Variants in MCTP2 observed in about 807,000 individuals in gnomAD.
The protein encoded by MCTP2 is multiple C2 and transmembrane domain-containing protein 2.
A neutral mutation model predicts 111.6 loss-of-function variants in MCTP2; 132 were observed. The observed-to-expected ratio is 1.18, with a 90% CI of 1.03 to 1.37. The LOEUF is 1.37. Among genes scored for constraint, MCTP2 ranks in the 40% most tolerant of loss-of-function variants. MCTP2 has a pLI of 0.00. For synonymous variants in MCTP2, 395 were observed against 387.7 expected (o/e 1.02, Z -0.22); for missense variants, 1,183 against 1,067.9 (o/e 1.11, Z -1.50).
At position 94,434,861 on chromosome 15, in the gene MCTP2, T is replaced by C. The variant is rs564384088; in HGVS notation, c.2086-5315T>C. Among the ~76,000 whole-genome samples the C allele has an allele frequency of 6.1e-5, 8 of 131,224 alleles. No individual in the cohort carries two copies. The East Asian group carries it at 1.0e-3, about 16-fold the overall frequency. The allele number at this position is 131,224 out of a possible 152,430, so 86.1% of individuals were successfully genotyped here. A position where few individuals can be genotyped will look rare whatever the true frequency, so the allele number is the denominator to read the frequency against. On this transcript the variant is annotated intron_variant, in intron 17 of 22. Coordinates refer to ENST00000357742, the MANE Select transcript of MCTP2 (RefSeq NM_001385001.1). ...TTTCTCTTTCTTTCTTTCTTTCTTT[T>C]TTTTTTTCTTTTTTTTTTGATGCAG...
intron 4 of MCTP2, among the ~76,000 whole-genome samples, chr15:94,339,014 T>A (rs550991173): frequency 7.2e-5 from 11 of 152,280 alleles, no homozygotes; most frequent in Admixed American, 4.6e-4. Context: ...AGATTTTACT[T>A]CTTGAATTTT....
chr15:94,310,721 A>G (rs2076086775), intron 2 of MCTP2, among the ~76,000 whole-genome samples: 1 of 150,806 alleles, frequency 6.6e-6, no homozygotes, highest in South Asian at 2.1e-4. Flanking sequence ...ATAAAATAAT[A>G]TATAATACTA....
intron 17 of MCTP2, chr15:94,402,354 AG>A: frequency 6.9e-7 from 1 of 1,455,998 alleles, no homozygotes; most frequent in South Asian, 1.5e-5. Context: ...GAAAAATCAC[AG>A]GACTAAATAA....
chr15:94,259,991 A>T (rs577662537), intron 1 of MCTP2, among the ~76,000 whole-genome samples: 1 of 152,038 alleles, frequency 6.6e-6, no homozygotes, highest in South Asian at 2.1e-4. Flanking sequence ...GAACCTTCTG[A>T]TCTCTGCCCT....
chr15:94,380,751 G>C (rs1163272726), intron 12 of MCTP2, among the ~76,000 whole-genome samples: 1 of 151,028 alleles, frequency 6.6e-6, no homozygotes, highest in Non-Finnish European at 1.5e-5. Flanking sequence ...CTAGGCAACA[G>C]AGTGAGACTC....
At chr15:94,308,613 G>A (rs1241470184) in intron 2 of MCTP2, among the ~76,000 whole-genome samples, 1 of 152,216 alleles carries the variant, frequency 6.6e-6, no homozygotes, top group Non-Finnish European at 1.5e-5. Flanking sequence ...ATTTTTTAAA[G>A]TATCTCCTGT....
chr15:94,379,056 G>GTTTTTT (rs1196936486), intron 12 of MCTP2, among the ~76,000 whole-genome samples: 1 of 150,852 alleles, frequency 6.6e-6, no homozygotes, highest in African/African-American at 2.5e-5. Context: ...TGAGAAGTTA[G>GTTTTTT]TTTTTTGTTT....
intron 17 of MCTP2, among the ~76,000 whole-genome samples, chr15:94,438,193 T>C (rs1408556385): frequency 1.3e-5 from 2 of 152,144 alleles, no homozygotes; most frequent in Non-Finnish European, 1.5e-5. Flanking sequence ...GAGCATTCAT[T>C]TGAATGGGAA....
chr15:94,348,082 T>C (rs1055428550), intron 8 of MCTP2, among the ~76,000 whole-genome samples: 16 of 152,190 alleles, frequency 1.1e-4, no homozygotes, highest in African/African-American at 3.6e-4. Context: ...TATGTATTAA[T>C]ATGTCTGCTG....
intron 21 of MCTP2, among the ~76,000 whole-genome samples, chr15:94,476,107 G>A (rs908856335): frequency 2.0e-5 from 3 of 152,180 alleles, no homozygotes; most frequent in African/African-American, 4.8e-5. Context: ...TGCTGTGAGA[G>A]GAGAGAAACC....
chr15:94,411,053 A>G (rs942263587), intron 17 of MCTP2, among the ~76,000 whole-genome samples: 1 of 152,238 alleles, frequency 6.6e-6, no homozygotes, highest in African/African-American at 2.4e-5. Context: ...TGAATCTGAG[A>G]AGATTCTATT....
intron 14 of MCTP2, among the ~76,000 whole-genome samples, chr15:94,394,602 A>G (rs560682647): frequency 6.6e-6 from 1 of 152,012 alleles, no homozygotes; most frequent in East Asian, 1.9e-4. Context: ...TGTTTCTACT[A>G]AAAATACAAA....
At chr15:94,260,409 A>G (rs953452780) in intron 1 of MCTP2, among the ~76,000 whole-genome samples, 1 of 152,140 alleles carries the variant, frequency 6.6e-6, no homozygotes, top group African/African-American at 2.4e-5. Context: ...TTCTTTCCAG[A>G]GTGACAGTGC....
intron 19 of MCTP2, among the ~76,000 whole-genome samples, chr15:94,446,017 A>T (rs148286764): frequency 0.013 from 1,974 of 152,336 alleles, 17 homozygotes; most frequent in Non-Finnish European, 0.021. Flanking sequence ...ACAGACCAGG[A>T]CACTGGGGTC....
chr15:94,443,570 G>C (rs2083913539), intron 19 of MCTP2, among the ~76,000 whole-genome samples: 1 of 152,186 alleles, frequency 6.6e-6, no homozygotes, highest in Non-Finnish European at 1.5e-5. Context: ...TGGGGCGAGG[G>C]ATGGTAACAT....
chr15:94,246,599 C>A (rs1342672627), intron 1 of MCTP2, among the ~76,000 whole-genome samples: 1 of 152,132 alleles, frequency 6.6e-6, no homozygotes, highest in Non-Finnish European at 1.5e-5. Flanking sequence ...TTTAAAAACT[C>A]ATTTGCAGTA....
chr15:94,244,314 A>G (rs574352961), intron 1 of MCTP2, among the ~76,000 whole-genome samples: 1 of 148,678 alleles, frequency 6.7e-6, no homozygotes, highest in South Asian at 2.1e-4. Context: ...TTATATACAC[A>G]TATGTATACA....
At chr15:94,319,352 A>G (rs112266237) in intron 4 of MCTP2, among the ~76,000 whole-genome samples, 13 of 152,260 alleles carry the variant, frequency 8.5e-5, no homozygotes, top group African/African-American at 2.9e-4. Context: ...ATTTTCTACA[A>G]AACCCAACCC....
intron 4 of MCTP2, among the ~76,000 whole-genome samples, chr15:94,324,387 A>C (rs2076763397): frequency 6.6e-6 from 1 of 152,230 alleles, no homozygotes; most frequent in South Asian, 2.1e-4. Context: ...GGCTGAGGGA[A>C]TACTGTGTTG....
Sources: allele counts gnomAD v4.1 joint callset (sites outside exome capture counted in the v4.1 genomes callset), GRCh38; gene constraint gnomAD v4.1.1; transcripts MANE v1.5; gene names NCBI Gene and HGNC (gene_info 2026-07-23, HGNC 2026-07-21).